COL13A1: variants seen among roughly 807,000 people sequenced by gnomAD.
The protein encoded by COL13A1 is collagen type XIII alpha 1 chain.
COL13A1 carries 89 observed loss-of-function variants against 130.9 expected under a neutral mutation model. The ratio of observed to expected loss-of-function variants is 0.68; its 90% CI spans 0.57 to 0.81. COL13A1 has a LOEUF of 0.81. Among genes scored for constraint, COL13A1 ranks in the 30% least tolerant of loss-of-function variants. COL13A1 has a pLI of 0.00. For synonymous variants in COL13A1, 402 were observed against 341.6 expected, an observed-to-expected ratio of 1.18 and a Z score of -1.95; for missense variants, 879 against 934.6, an observed-to-expected ratio of 0.94 and a Z score of 0.78.
intron 37 of COL13A1, among the ~76,000 whole-genome samples, chr10:69,946,024 C>T (rs1178241981): frequency 6.6e-6 from 1 of 151,116 alleles, no homozygotes; most frequent in Non-Finnish European, 1.5e-5. Flanking sequence ...GAGCCGAGAT[C>T]GCACCACTGC....
intron 1 of COL13A1, among the ~76,000 whole-genome samples, chr10:69,803,004 G>T (rs1840472734): frequency 6.6e-6 from 1 of 152,184 alleles, no homozygotes; most frequent in Non-Finnish European, 1.5e-5. Context: ...AAGGCTGGGC[G>T]CGCGGAGGCT....
chr10:69,911,676 C>A (rs1370184622), intron 17 of COL13A1, among the ~76,000 whole-genome samples: 1 of 152,272 alleles, frequency 6.6e-6, no homozygotes, highest in Non-Finnish European at 1.5e-5. Flanking sequence ...TCAGGCCTTT[C>A]TCTGAGTCTC....
chr10:69,802,641 T>C lies in COL13A1; in HGVS notation c.218T>C (p.Leu73Pro). The C allele has an allele frequency of 6.2e-7, 1 of 1,613,436 alleles. No individual in the cohort carries two copies. Among genetic ancestry groups the C allele is most frequent in the Non-Finnish European group, 8.5e-7 (1 of 1,179,572 alleles). The change falls in exon 1 of 41, where the codon CTG (leucine) becomes CCG (proline). Residue 73 changes from leucine (L) to proline (P), a missense_variant. By Grantham distance (98) the Leu-to-Pro change is moderately conservative. Around this residue, in one of 3 missense-constraint regions of COL13A1, gnomAD observed 715 missense variants for 721.0 expected, o/e 0.99. Transcript: ENST00000645393. The part of the protein sequence containing the change: ...FRTAELQARV[L>P]RLEAERGEQQ... The stretch of plus-strand genomic sequence containing the variant: ...ACGGCCGAGCTGCAGGCCCGGGTGC[T>C]GCGCCTGGAAGCGGAGCGCGGGGAG...
chr10:69,918,023 A>G (rs2064141067), intron 18 of COL13A1, among the ~76,000 whole-genome samples: 1 of 150,342 alleles, frequency 6.7e-6, no homozygotes. Context: ...GCCTCCCAGG[A>G]GAGGCCAGGA....
chr10:69,903,566 T>C (rs2062422980), intron 15 of COL13A1, among the ~76,000 whole-genome samples: 1 of 152,224 alleles, frequency 6.6e-6, no homozygotes, highest in Non-Finnish European at 1.5e-5. Flanking sequence ...AGTGGGTACC[T>C]GGACTTCAGA....
intron 1 of COL13A1, among the ~76,000 whole-genome samples, chr10:69,819,636 G>A (rs1229528341): frequency 6.6e-6 from 1 of 152,182 alleles, no homozygotes; most frequent in Non-Finnish European, 1.5e-5. Context: ...TCCTTGAGCT[G>A]AGAGCAGCTC....
At chr10:69,943,123 C>T (rs921741537) in intron 35 of COL13A1, among the ~76,000 whole-genome samples, 3 of 152,244 alleles carry the variant, frequency 2.0e-5, no homozygotes, top group African/African-American at 4.8e-5. Context: ...GCTGGGATTA[C>T]AGCCGTGAGC....
At chr10:69,930,685 G>T in intron 30 of COL13A1, 133 bp downstream of exon 30, 1 of 1,041,232 alleles carries the variant, frequency 9.6e-7, no homozygotes, top group Non-Finnish European at 1.4e-6. Context: ...GCTTAGGGGT[G>T]GAGGATTCAC....
chr10:69,823,155 C>T (rs537747988), intron 2 of COL13A1, among the ~76,000 whole-genome samples: 48 of 152,350 alleles, frequency 3.2e-4, no homozygotes, highest in African/African-American at 1.2e-3. Flanking sequence ...TGTGTAACAG[C>T]TGCGTACTAA....
At chr10:69,834,332 G>A (rs1033101208) in intron 2 of COL13A1, among the ~76,000 whole-genome samples, 15 of 152,136 alleles carry the variant, frequency 9.9e-5, no homozygotes, top group Non-Finnish European at 1.8e-4. Context: ...GGGGACCCCC[G>A]CTCTAAGAGA....
intron 2 of COL13A1, among the ~76,000 whole-genome samples, chr10:69,858,305 C>G (rs1346264502): frequency 6.6e-6 from 1 of 152,114 alleles, no homozygotes; most frequent in Non-Finnish European, 1.5e-5. Flanking sequence ...AGGGACAGTG[C>G]TAAATATCTT....
chr10:69,812,809 G>A (rs1843398293), intron 1 of COL13A1, among the ~76,000 whole-genome samples: 1 of 152,254 alleles, frequency 6.6e-6, no homozygotes, highest in African/African-American at 2.4e-5. Flanking sequence ...CTCCTAAGAA[G>A]TGCATTATTG....
Position 69,902,817 on chromosome 10 carries a change from C to T in COL13A1, c.820C>T (p.Leu274=). ...PPGPPGPSGP[L]GHPGLPGPMG... ...AGGCCCCCCTGGACCAAGTGGACCT[C>T]TGGGGCACCCAGGACTGCCAGGGCC... is the stretch of plus-strand genomic sequence containing the variant. Residue 274 remains leucine, a synonymous_variant, in exon 15 of 41, where the codon CTG becomes TTG. Coordinates refer to ENST00000645393, the MANE Select transcript of COL13A1 (RefSeq NM_001368882.1). 6.5e-7 allele frequency: 1 copy of T among 1,548,952 alleles called. No individual in the cohort carries two copies. The highest frequency in any genetic ancestry group is 1.2e-5 in the South Asian group (1 of 83,544).
intron 17 of COL13A1, among the ~76,000 whole-genome samples, chr10:69,910,124 C>T (rs536048173): frequency 5.3e-5 from 8 of 152,144 alleles, no homozygotes; most frequent in Non-Finnish European, 1.0e-4. Context: ...GGAGGGCTGT[C>T]CCCCTACCTC....
chr10:69,814,854 G>A (rs1027897804), intron 1 of COL13A1, among the ~76,000 whole-genome samples: 2 of 152,182 alleles, frequency 1.3e-5, no homozygotes, highest in East Asian at 3.8e-4. Context: ...GGAATAGGAG[G>A]CATGCACTAA....
intron 31 of COL13A1, among the ~76,000 whole-genome samples, chr10:69,933,922 C>T (rs751204924): frequency 1.3e-5 from 2 of 152,082 alleles, no homozygotes; most frequent in Non-Finnish European, 2.9e-5. Context: ...AGCACAGCAC[C>T]GTTACCAGGA....
At chr10:69,935,478 A>G (rs2066709018) in intron 32 of COL13A1, 87 bp downstream of exon 32, 2 of 980,544 alleles carry the variant, frequency 2.0e-6, no homozygotes, top group Non-Finnish European at 2.9e-6. Context: ...CTTAGTCACT[A>G]TCACCTCTTC....
intron 31 of COL13A1, 41 bp from the exon 32 acceptor site, chr10:69,935,309 G>A (rs193226019): frequency 1.3e-6 from 2 of 1,549,588 alleles, no homozygotes; most frequent in Non-Finnish European, 1.8e-6. Context: ...TCAGGAGGGA[G>A]GGCCACTTCA....
chr10:69,951,432 T>C (rs965152387), intron 38 of COL13A1, among the ~76,000 whole-genome samples: 2 of 152,226 alleles, frequency 1.3e-5, no homozygotes, highest in African/African-American at 4.8e-5. Context: ...CAATCATGGT[T>C]GACTGCTGCC....
Sources: allele counts gnomAD v4.1 joint callset (sites outside exome capture counted in the v4.1 genomes callset), GRCh38; gene constraint gnomAD v4.1.1; regional missense constraint gnomAD v4.1.1; transcripts MANE v1.5; gene names NCBI Gene and HGNC (gene_info 2026-07-23, HGNC 2026-07-21).